NARF: variants seen among roughly 807,000 people sequenced by gnomAD.
NARF encodes the protein iron-only hydrogenase-like protein 2.
NARF carries 41 observed loss-of-function variants against 48.0 expected under a neutral mutation model. The ratio of observed to expected loss-of-function variants is 0.85; its 90% CI spans 0.66 to 1.11. The LOEUF is 1.11. Among genes scored for constraint, NARF ranks in the 50% least tolerant of loss-of-function variants. The pLI, the probability that NARF is intolerant of heterozygous loss-of-function variation, is 0.00. For synonymous variants in NARF, 215 were observed against 225.5 expected, an observed-to-expected ratio of 0.95 and a Z score of 0.42; for missense variants, 613 against 590.2, an observed-to-expected ratio of 1.04 and a Z score of -0.40.
At chr17:82,483,362 C>G (rs2044018703) in intron 7 of NARF, 8 of 302,954 alleles carry the variant, frequency 2.6e-5, no homozygotes, top group South Asian at 2.1e-4. Flanking sequence ...ATCATCCTAT[C>G]TCTGTGAGCT....
At chr17:82,458,493 C>T, upstream of NARF, 1 of 350,396 alleles carries the variant, frequency 2.9e-6, no homozygotes, top group Admixed American at 4.9e-5. Flanking sequence ...CGCAAGGACC[C>T]GGTCCCCCCG....
chr17:82,486,292 C>T (rs2044093964), intron 10 of NARF, among the ~76,000 whole-genome samples: 1 of 152,246 alleles, frequency 6.6e-6, no homozygotes, highest in South Asian at 2.1e-4. Flanking sequence ...CATGGTGGTC[C>T]ATCTGCGCCC....
At chr17:82,479,079 C>T in intron 6 of NARF, 161 bp downstream of exon 6, 1 of 582,788 alleles carries the variant, frequency 1.7e-6, no homozygotes, top group Non-Finnish European at 3.0e-6. Context: ...TGCTGTTTCT[C>T]ACCAACGCCC....
intron 3 of NARF, among the ~76,000 whole-genome samples, chr17:82,466,699 C>T (rs1377340186): frequency 3.3e-5 from 5 of 151,380 alleles, no homozygotes; most frequent in African/African-American, 9.7e-5. Flanking sequence ...GTGATGTGCT[C>T]GCCTCGGCCT....
At chr17:82,487,795 T>TAGA in intron 10 of NARF, 121 bp from the exon 11 acceptor site, 5 of 444,384 alleles carry the variant, frequency 1.1e-5, no homozygotes, top group East Asian at 7.0e-5. Context: ...GCCCAATCTC[T>TAGA]ACAAAAAATT....
In NARF at chr17:82,472,752, A is replaced by C. The variant is rs1475298708; in HGVS notation, c.520+54A>C. On this transcript the variant is annotated intron_variant, in intron 5 of 10. Coordinates refer to ENST00000309794, the MANE Select transcript of NARF (RefSeq NM_012336.4). Reference sequence around the variant, plus strand: ...CCTGAGGTGCCAAAAGAGGTTTCACAAGATTCTGCAGGCTCTAGATGAGGT... The same window carrying C: ...CCTGAGGTGCCAAAAGAGGTTTCACCAGATTCTGCAGGCTCTAGATGAGGT... 6 of 1,576,508 alleles carry C rather than the reference A, an allele frequency of 3.8e-6. No individual in the cohort carries two copies. The East Asian group carries it at 1.4e-4, about 36-fold the overall frequency.
chr17:82,480,908 G>C (rs927218799), intron 6 of NARF, 174 bp from the exon 7 acceptor site: 3 of 832,160 alleles, frequency 3.6e-6, no homozygotes, highest in Non-Finnish European at 5.5e-6. Context: ...CTCCAACCTG[G>C]TGACAGAGCA....
intron 10 of NARF, among the ~76,000 whole-genome samples, chr17:82,486,493 C>T (rs1335900722): frequency 2.0e-5 from 3 of 152,152 alleles, no homozygotes; most frequent in South Asian, 2.1e-4. Context: ...TGTCCTTCAA[C>T]ACAAAGGATC....
chr17:82,468,737 C>T (rs2043629254), intron 3 of NARF, 27 bp from the exon 4 acceptor site: 4 of 1,611,520 alleles, frequency 2.5e-6, no homozygotes, highest in African/African-American at 1.3e-5. Flanking sequence ...TCAGCAGATA[C>T]CTAACATTCT....
At position 82,487,991 on chromosome 17, in the gene NARF, G is replaced by A. The variant is rs1236377663; in HGVS notation, c.1205G>A (p.Gly402Asp). Reference protein sequence around the residue: ...ADKALLRQMEGIYADIPVRRP... With the variant: ...ADKALLRQMEDIYADIPVRRP... ...AAGGCCCTGCTGCGGCAGATGGAAG[G>A]CATTTACGCTGACATCCCTGTGCGG... Residue 402 changes from glycine to aspartate, a missense_variant, in exon 11 of 11, where the codon GGC becomes GAC. Coordinates refer to ENST00000309794, the MANE Select transcript of NARF (RefSeq NM_012336.4). 4 of 1,614,234 alleles carry A rather than the reference G, an allele frequency of 2.5e-6. No homozygotes were observed. Among genetic ancestry groups the A allele is most frequent in the Non-Finnish European group, 3.4e-6 (4 of 1,180,050 alleles).
chr17:82,480,312 C>CACAT lies in NARF; in HGVS notation c.640-770_640-769insACAT, dbSNP rs2043932717. On this transcript the variant is annotated intron_variant, in intron 6 of 10. Transcript: ENST00000309794. ...GCGCACACACACACACACACACACA[C>CACAT]TCACTCAGGCCTCCTGCAATGGCTC... The CACAT allele has an allele frequency of 3.5e-5, 14 of 399,210 alleles. No homozygotes were observed. In the South Asian group the frequency reaches 1.7e-3, roughly 49 times the overall value. 24.7% of individuals were successfully genotyped at this position (399,210 alleles called of 1,614,324 possible).
At chr17:82,462,129 A>T (rs1301781003) in intron 2 of NARF, among the ~76,000 whole-genome samples, 1 of 152,122 alleles carries the variant, frequency 6.6e-6, no homozygotes, top group African/African-American at 2.4e-5. Context: ...TGTGGTGAGG[A>T]TGAGATAACG....
chr17:82,466,983 G>A (rs548210990), intron 3 of NARF, among the ~76,000 whole-genome samples: 7 of 143,120 alleles, frequency 4.9e-5, no homozygotes, highest in Admixed American at 1.4e-4. Flanking sequence ...ATAAGCCACC[G>A]TACCTGGCCT....
At chr17:82,466,995 CT>C (rs762291462) in intron 3 of NARF, among the ~76,000 whole-genome samples, 1,501 of 134,424 alleles carry the variant, frequency 0.011, 14 homozygotes, top group African/African-American at 0.027. Flanking sequence ...ACCTGGCCTT[CT>C]TTTTTTTTTT....
chr17:82,487,797 C>CAGGACA, intron 10 of NARF, 119 bp from the exon 11 acceptor site: 1 of 505,672 alleles, frequency 2.0e-6, no homozygotes. Context: ...CCAATCTCTA[C>CAGGACA]AAAAAATTTA....
rs1360734885 is a variant in NARF at position 82,483,699 on chromosome 17, A to G, written c.770-17A>G. The G allele has an allele frequency of 8.1e-6, 13 of 1,613,574 alleles. No homozygotes were observed. The highest frequency in any genetic ancestry group is 1.0e-5 in the Non-Finnish European group (12 of 1,179,602). On this transcript the variant is annotated splice_polypyrimidine_tract_variant and intron_variant, in intron 7 of 10. Coordinates refer to ENST00000309794, the MANE Select transcript of NARF (RefSeq NM_012336.4). ...GCCACCTGTGTCTTTTCAGTGTCTT[A>G]CTTCGTTTGTCTGCAGGTGAAATTG...
intron 10 of NARF, among the ~76,000 whole-genome samples, chr17:82,487,626 C>T (rs1219521295): frequency 6.6e-6 from 1 of 152,178 alleles, no homozygotes; most frequent in East Asian, 1.9e-4. Context: ...CTTTATTCCT[C>T]TCCTGCTTCC....
rs2044076983 is a variant in NARF at position 82,485,498 on chromosome 17, A to C, written c.973A>C (p.Asn325His). 6.2e-7 allele frequency: 1 copy of C among 1,613,902 alleles called. No individual in the cohort carries two copies. Among genetic ancestry groups the C allele is most frequent in the African/African-American group, 1.3e-5 (1 of 74,942 alleles). ...VEEVTYRALRNKDFQEVTLEK... is the reference protein window; with the variant it reads ...VEEVTYRALRHKDFQEVTLEK... ...AAATTCTCTGTGTTCATTTTGTAGA[A>C]ACAAAGACTTCCAAGAGGTCACCCT... is the stretch of plus-strand genomic sequence containing the variant. Residue 325 changes from asparagine (N) to histidine (H), a missense_variant and splice_region_variant, in exon 10 of 11, where the codon AAC becomes CAC. By Grantham distance (68) the Asn-to-His change is moderately conservative. Transcript: ENST00000309794.
chr17:82,474,786 G>A lies in NARF; in HGVS notation c.520+2088G>A, dbSNP rs548302836. On this transcript the variant is annotated intron_variant, in intron 5 of 10. Coordinates refer to ENST00000309794, the MANE Select transcript of NARF (RefSeq NM_012336.4). ...AAATTTACCATCTGTTCCATGGGCT[G>A]CATTGGTTGGCTCGTTATTTGAGCT... Among the ~76,000 whole-genome samples the A allele has an allele frequency of 1.6e-4, 25 of 152,318 alleles. No individual in the cohort carries two copies. The South Asian group carries it at 4.8e-3, about 29-fold the overall frequency.
Sources: allele counts gnomAD v4.1 joint callset (sites outside exome capture counted in the v4.1 genomes callset), GRCh38; gene constraint gnomAD v4.1.1; transcripts MANE v1.5; gene names NCBI Gene and HGNC (gene_info 2026-07-23, HGNC 2026-07-21).